The following KIF5A variants were observed in gnomAD, a reference collection of about 807,000 sequenced individuals.
KIF5A encodes the protein kinesin family member 5A, also known as kinesin heavy chain isoform 5A.
KIF5A carries 35 observed loss-of-function variants against 141.3 expected under a neutral mutation model. The ratio of observed to expected loss-of-function variants is 0.25; its 90% CI spans 0.19 to 0.33. The LOEUF (loss-of-function observed/expected upper bound fraction) is 0.33. KIF5A is among the 10% of genes least tolerant of loss of function. The pLI is 1.00. For synonymous variants in KIF5A, 448 were observed against 500.2 expected (o/e 0.90, Z 1.39); for missense variants, 861 against 1,314.3 (o/e 0.66, Z 5.33).
At position 57,583,148 on chromosome 12, in the gene KIF5A, T is replaced by G. The variant is rs756348570; in HGVS notation, c.3068T>G (p.Phe1023Cys). The change falls in exon 28 of 29, where the codon TTC becomes TGC. Residue 1023 changes from phenylalanine (F) to cysteine (C), a missense_variant. This residue lies in a region of KIF5A where 482 missense variants were observed against 661.3 expected (regional missense o/e 0.73). Transcript: ENST00000455537. ...GAGGCTGAGGACCAGGCCAAGCTTT[T>G]CCCTCTCCACCAAGAGACAGCAGCC... ...GYEAEDQAKLFPLHQETAAS is the reference protein window; with the variant it reads ...GYEAEDQAKLCPLHQETAAS 2.5e-6 allele frequency: 4 copies of G among 1,613,904 alleles called. No individual in the cohort carries two copies. The East Asian group carries it at 8.9e-5, about 36-fold the overall frequency.
chr12:57,563,859 C>T lies in KIF5A; in HGVS notation c.291+166C>T, dbSNP rs541242014. Among the ~76,000 whole-genome samples, 61 of 152,188 alleles carry T rather than the reference C, an allele frequency of 4.0e-4. 1 individual carries two copies. The highest frequency in any genetic ancestry group is 2.1e-3 in the South Asian group (10 of 4,812). On this transcript the variant is annotated intron_variant, in intron 3 of 28. Transcript: ENST00000455537. The stretch of plus-strand genomic sequence containing the variant: ...ATATTAGGGGAAGTTTAATGGAATC[C>T]CTCCAACCCACTGCAGTGGATCATC...
chr12:57,559,994 C>A (rs1182286144), intron 1 of KIF5A, among the ~76,000 whole-genome samples: 2 of 152,124 alleles, frequency 1.3e-5, no homozygotes, highest in Non-Finnish European at 2.9e-5. Context: ...TGGGTTCAAG[C>A]GATTCTTGTG....
intron 21 of KIF5A, 92 bp downstream of exon 21, chr12:57,577,865 C>A: frequency 7.7e-7 from 1 of 1,295,832 alleles, no homozygotes; most frequent in Non-Finnish European, 1.1e-6. Flanking sequence ...CCTTTTGCAG[C>A]CATTCTGTAG....
chr12:57,567,259 G>T (rs1226765254), intron 7 of KIF5A, 46 bp downstream of exon 7: 3 of 1,481,884 alleles, frequency 2.0e-6, no homozygotes, highest in Non-Finnish European at 2.8e-6. Context: ...GGATCCACTT[G>T]TGTTCTGTGT....
Position 57,576,091 on chromosome 12 carries a change from T to C in KIF5A, c.2028T>C (p.Thr676=). 6.2e-7 allele frequency: 1 copy of C among 1,614,134 alleles called. No individual in the cohort carries two copies. Among genetic ancestry groups the C allele is most frequent in the Non-Finnish European group, 8.5e-7 (1 of 1,179,982 alleles). The change falls in exon 18 of 29, where the codon ACT becomes ACC. Residue 676 remains threonine (T), a synonymous_variant. Transcript: ENST00000455537. The part of the protein sequence containing the change: ...DELAKLQAQE[T]VHEVALKDKE... ...GTCTTCCCCTCTTTCCCTTAGAAAC[T>C]GTGCATGAAGTGGCCCTGAAGGACA...
At chr12:57,564,782 G>A (rs1258798608) in intron 5 of KIF5A, 136 bp from the exon 6 acceptor site, 23 of 863,956 alleles carry the variant, frequency 2.7e-5, no homozygotes, top group Non-Finnish European at 3.7e-5. Context: ...CCTTCAGCTC[G>A]TGCAGGGAGT....
Position 57,572,006 on chromosome 12 carries a change from A to C in KIF5A, c.1363-55A>C. On this transcript the variant is annotated intron_variant, in intron 13 of 28. Transcript: ENST00000455537. This position sits in a 1 kb window ranked among gnomAD's most constrained non-coding sequence, Gnocchi z 4.2. Reference sequence around the variant, plus strand: ...GGCTCAGCTTCCCAGACCCAAGGCCATAGAAATGGTCACTGGCAGTGATCT... The same window carrying C: ...GGCTCAGCTTCCCAGACCCAAGGCCCTAGAAATGGTCACTGGCAGTGATCT... The C allele has an allele frequency of 1.3e-6, 2 of 1,508,802 alleles. No homozygotes were observed. Among genetic ancestry groups the C allele is most frequent in the Non-Finnish European group, 1.8e-6 (2 of 1,093,334 alleles). The allele number at this position is 1,508,802 out of a possible 1,614,324, so 93.5% of individuals were successfully genotyped here.
At position 57,550,357 on chromosome 12, in the gene KIF5A, A is replaced by G; in HGVS notation, c.86A>G (p.Lys29Arg). Reference protein sequence around the residue: ...LNQAEILRGDKFIPIFQGDDS... With the variant: ...LNQAEILRGDRFIPIFQGDDS... ...CAGGCTGAGATTCTGCGGGGAGACA[A>G]GTTCATCCCCATTTTCCAAGGGGAC... Residue 29 changes from lysine to arginine, a missense_variant, in exon 1 of 29, where the codon AAG becomes AGG. Physicochemically the swap from Lys to Arg is conservative, Grantham distance 26. Around this residue, in one of 5 missense-constraint regions of KIF5A, gnomAD observed 59 missense variants for 81.1 expected, o/e 0.73. Transcript: ENST00000455537. This position sits in a 1 kb window ranked among gnomAD's most constrained non-coding sequence, Gnocchi z 4.6. 1.2e-6 allele frequency: 2 copies of G among 1,614,146 alleles called. No homozygotes were observed. The highest frequency in any genetic ancestry group is 4.5e-5 in the East Asian group (2 of 44,874).
At chr12:57,575,567 G>A in intron 16 of KIF5A, 73 bp from the exon 17 acceptor site, 9 of 1,257,162 alleles carry the variant, frequency 7.2e-6, no homozygotes, top group South Asian at 2.4e-5. Flanking sequence ...GAGAGCTGGA[G>A]TTGGAGATCT....
At chr12:57,563,056 G>C (rs1234931997) in intron 1 of KIF5A, among the ~76,000 whole-genome samples, 1 of 150,744 alleles carries the variant, frequency 6.6e-6, no homozygotes, top group African/African-American at 2.4e-5. Context: ...CGCCAGGCTG[G>C]AGTGCAGTGG....
chr12:57,575,371 T>C (rs1239825683), intron 16 of KIF5A, 99 bp downstream of exon 16: 1 of 1,332,878 alleles, frequency 7.5e-7, no homozygotes, highest in Admixed American at 2.0e-5. Context: ...TATGTCAAAG[T>C]TCTGGGGTCA....
rs1882425768 is a variant in KIF5A, at chr12:57,576,353, CAGA to C, written c.2177_2179del (p.Lys726del). On this transcript the variant is annotated inframe_deletion, in exon 19 of 29. Transcript: ENST00000455537. ...GCTCCGGGACGAGATCAACGAGAAG[CAGA>C]AGACCATTGATGAGCTCAAAGAGTA... is the stretch of plus-strand genomic sequence containing the variant. 1 of 1,613,962 alleles carries C rather than the reference CAGA, an allele frequency of 6.2e-7. No individual in the cohort carries two copies.
rs1253341128 is a variant in KIF5A, at chr12:57,563,422, TTTTA to T, written c.130-13_130-10del. 6.3e-7 allele frequency: 1 copy of T among 1,592,296 alleles called. No homozygotes were observed. Among genetic ancestry groups the T allele is most frequent in the South Asian group, 1.1e-5 (1 of 90,566 alleles). On this transcript the variant is annotated splice_polypyrimidine_tract_variant and intron_variant, in intron 1 of 28. Coordinates refer to ENST00000455537, the MANE Select transcript of KIF5A (RefSeq NM_004984.4). ...ATCCTGCCTGTTGACGTCTGATATC[TTTTA>T]TTTTCATTCCAGGGGAAGCCATATG...
Position 57,572,403 on chromosome 12 carries a change from C to T in KIF5A, c.1569+136C>T. 1 of 1,242,864 alleles carries T rather than the reference C, an allele frequency of 8.0e-7. No individual in the cohort carries two copies. 77.0% of individuals were successfully genotyped at this position (1,242,864 alleles called of 1,614,324 possible). A position where few individuals can be genotyped will look rare whatever the true frequency, so the allele number is the denominator to read the frequency against. Reference sequence around the variant, plus strand: ...TGTTCAGTGCATTGTGAGTCCCTCCCCAACCCTGTCACTGCACTTTCCCCT... The same window carrying T: ...TGTTCAGTGCATTGTGAGTCCCTCCTCAACCCTGTCACTGCACTTTCCCCT... On this transcript the variant is annotated intron_variant, in intron 14 of 28. Coordinates refer to ENST00000455537, the MANE Select transcript of KIF5A (RefSeq NM_004984.4). This position sits in a 1 kb window ranked among gnomAD's most constrained non-coding sequence, Gnocchi z 4.2.
At chr12:57,575,782 C>G (rs776646447) in intron 17 of KIF5A, 25 bp downstream of exon 17, 9 of 1,492,852 alleles carry the variant, frequency 6.0e-6, no homozygotes, top group Non-Finnish European at 8.4e-6. Flanking sequence ...TACCTCCATC[C>G]CACTGTCCAG....
Position 57,550,126 on chromosome 12 carries a change from C to G in KIF5A, c.-146C>G. 1.4e-5 allele frequency: 16 copies of G among 1,148,284 alleles called. 1 individual carries two copies. The South Asian group carries it at 1.9e-4, about 14-fold the overall frequency. The allele number at this position is 1,148,284 out of a possible 1,614,324, so 71.1% of individuals were successfully genotyped here. On this transcript the variant is annotated 5_prime_UTR_variant, in exon 1 of 29. Transcript: ENST00000455537. The surrounding 1 kb of genome is among the most constrained non-coding windows in gnomAD (Gnocchi z 4.6). ...AGACAGCGCGCCCCGGCCCTGCTCC[C>G]CAGGCTTCGCCCGGGCGCCCTCAAC... is the stretch of plus-strand genomic sequence containing the variant.
Position 57,579,499 on chromosome 12 carries a change from G to A in KIF5A, c.2538+1157G>A, listed in dbSNP as rs148065492. 6.5e-4 allele frequency among the ~76,000 whole-genome samples: 98 copies of A among 151,708 alleles called. 1 individual carries two copies. Among genetic ancestry groups the A allele is most frequent in the African/African-American group, 2.3e-3 (93 of 41,316 alleles). On this transcript the variant is annotated intron_variant, in intron 23 of 28. Coordinates refer to ENST00000455537, the MANE Select transcript of KIF5A (RefSeq NM_004984.4). ...GCCCAGCTTATATAGTAAATATTCAGTACTTTTTTTTTTCTTAATGAATCC... is the reference window on the plus strand; with the variant it reads ...GCCCAGCTTATATAGTAAATATTCAATACTTTTTTTTTTCTTAATGAATCC...
chr12:57,560,198 G>C (rs1881869272), intron 1 of KIF5A, among the ~76,000 whole-genome samples: 1 of 152,000 alleles, frequency 6.6e-6, no homozygotes, highest in East Asian at 1.9e-4. Context: ...AGCCAGTTAT[G>C]GCATTATTTT....
chr12:57,574,968 C>T, intron 15 of KIF5A, 116 bp from the exon 16 acceptor site: 1 of 871,250 alleles, frequency 1.1e-6, no homozygotes. Flanking sequence ...TGGAAAATAC[C>T]CATCCCATTT....
Sources: gnomAD v4.1 joint callset for allele counts (sites outside exome capture counted in the v4.1 genomes callset) on GRCh38, gnomAD v4.1.1 for gene constraint, gnomAD v4.1.1 regional missense constraint, Gnocchi (gnomAD v3.1) non-coding constraint, MANE v1.5 for transcripts, NCBI Gene and HGNC (gene_info 2026-07-23, HGNC 2026-07-21) for gene names.